The following ZNF804A variants were observed in gnomAD, a reference collection of about 807,000 sequenced individuals.
ZNF804A encodes the protein zinc finger protein 804A.
In ZNF804A, 2 loss-of-function variants were observed where a neutral mutation model predicts 16.5. The ratio of observed to expected loss-of-function variants is 0.12; its 90% confidence interval spans 0.05 to 0.38. The LOEUF (loss-of-function observed/expected upper bound fraction) is 0.38. Ranked by LOEUF, ZNF804A falls within the 10% of genes least tolerant of loss-of-function variation. The pLI is 0.99. For synonymous variants in ZNF804A, 534 were observed against 489.6 expected (o/e 1.09, Z -1.20); for missense variants, 1,473 against 1,390.7 (o/e 1.06, Z -0.94).
At chr2:184,931,144 G>T (rs1328815554) in intron 2 of ZNF804A, among the ~76,000 whole-genome samples, 2 of 152,312 alleles carry the variant, frequency 1.3e-5, no homozygotes, top group Admixed American at 6.5e-5. Flanking sequence ...AGCTGGTGTT[G>T]AGTGTCTGTG....
At chr2:184,719,546 C>G (rs1222522348) in intron 1 of ZNF804A, among the ~76,000 whole-genome samples, 1 of 152,250 alleles carries the variant, frequency 6.6e-6, no homozygotes, top group East Asian at 1.9e-4. Context: ...ACAAGCAAGT[C>G]ACCTTTTGAA....
intron 1 of ZNF804A, among the ~76,000 whole-genome samples, chr2:184,822,025 G>A (rs1695094719): frequency 6.6e-6 from 1 of 152,006 alleles, no homozygotes; most frequent in Non-Finnish European, 1.5e-5. Context: ...AGATCTAGAG[G>A]CAGAAATACC....
intron 1 of ZNF804A, among the ~76,000 whole-genome samples, chr2:184,794,631 G>T (rs1322334100): frequency 2.6e-5 from 4 of 152,086 alleles, no homozygotes; most frequent in Non-Finnish European, 5.9e-5. Flanking sequence ...CAAATAGCAT[G>T]ATGAATGTAA....
chr2:184,772,952 TATAC>T (rs1694238599), intron 1 of ZNF804A, among the ~76,000 whole-genome samples: 4 of 138,274 alleles, frequency 2.9e-5, no homozygotes, highest in South Asian at 4.3e-4. Context: ...CATATACATA[TATAC>T]ATATACATAT....
intron 1 of ZNF804A, among the ~76,000 whole-genome samples, chr2:184,608,486 A>C (rs1038742386): frequency 1.3e-5 from 2 of 152,042 alleles, no homozygotes; most frequent in Non-Finnish European, 2.9e-5. Flanking sequence ...GCAGAGGGAG[A>C]TGTTGGGTAA....
intron 1 of ZNF804A, among the ~76,000 whole-genome samples, chr2:184,736,532 G>A (rs187779398): frequency 2.6e-5 from 4 of 152,034 alleles, no homozygotes; most frequent in African/African-American, 4.8e-5. Context: ...GGAGTTCAAC[G>A]ATGGGAACAC....
chr2:184,718,850 C>T (rs1693254144), intron 1 of ZNF804A, among the ~76,000 whole-genome samples: 1 of 152,106 alleles, frequency 6.6e-6, no homozygotes, highest in South Asian at 2.1e-4. Context: ...TGTTGGTGGA[C>T]CTACCATTCT....
intron 1 of ZNF804A, among the ~76,000 whole-genome samples, chr2:184,632,084 C>A (rs1258209046): frequency 6.6e-6 from 1 of 151,602 alleles, no homozygotes; most frequent in African/African-American, 2.4e-5. Flanking sequence ...AATAGATTTT[C>A]ATACTGATGT....
intron 1 of ZNF804A, among the ~76,000 whole-genome samples, chr2:184,742,629 C>T (rs374042843): frequency 1.3e-5 from 2 of 151,270 alleles, no homozygotes; most frequent in Middle Eastern, 6.8e-3. Flanking sequence ...TGCCTCAGAA[C>T]GTGCTTTGTA....
intron 1 of ZNF804A, among the ~76,000 whole-genome samples, chr2:184,788,316 G>A (rs1574212808): frequency 2.0e-5 from 3 of 151,674 alleles, no homozygotes; most frequent in African/African-American, 7.3e-5. Context: ...TGCTGTAGGT[G>A]GTCTGGCTTC....
At chr2:184,607,343 A>G (rs894267786) in intron 1 of ZNF804A, among the ~76,000 whole-genome samples, 15 of 152,152 alleles carry the variant, frequency 9.9e-5, no homozygotes, top group Non-Finnish European at 8.8e-5. Flanking sequence ...GGTTTAATTG[A>G]CTCACAGTTC....
At chr2:184,783,309 A>G (rs1008705408) in intron 1 of ZNF804A, among the ~76,000 whole-genome samples, 1 of 151,518 alleles carries the variant, frequency 6.6e-6, no homozygotes, top group Non-Finnish European at 1.5e-5. Flanking sequence ...AGTGATTATC[A>G]GAAGCTTCCA....
At chr2:184,761,772 TGTAA>T (rs1193539057) in intron 1 of ZNF804A, among the ~76,000 whole-genome samples, 2 of 152,122 alleles carry the variant, frequency 1.3e-5, no homozygotes, top group African/African-American at 4.8e-5. Flanking sequence ...ATGTAGATGA[TGTAA>T]GTGTCTGCAA....
At chr2:184,603,179 C>G (rs181018775) in intron 1 of ZNF804A, among the ~76,000 whole-genome samples, 4 of 152,232 alleles carry the variant, frequency 2.6e-5, no homozygotes, top group Admixed American at 2.0e-4. Context: ...TTAGTTCATT[C>G]AAATTTATCG....
At chr2:184,625,959 C>A (rs1436199783) in intron 1 of ZNF804A, among the ~76,000 whole-genome samples, 1 of 152,142 alleles carries the variant, frequency 6.6e-6, no homozygotes, top group Non-Finnish European at 1.5e-5. Context: ...AGCTCTGCCT[C>A]CCGGGTTCAC....
chr2:184,808,632 A>T (rs1694847681), intron 1 of ZNF804A, among the ~76,000 whole-genome samples: 1 of 151,474 alleles, frequency 6.6e-6, no homozygotes, highest in Admixed American at 6.6e-5. Context: ...TAATTTGTGC[A>T]CTAATACACT....
intron 1 of ZNF804A, among the ~76,000 whole-genome samples, chr2:184,791,459 T>C (rs191191818): frequency 3.9e-5 from 6 of 152,326 alleles, no homozygotes; most frequent in African/African-American, 1.4e-4. Flanking sequence ...TAGTATTTTT[T>C]CTTAAAAGAG....
At chr2:184,775,964 T>C (rs886794157) in intron 1 of ZNF804A, among the ~76,000 whole-genome samples, 4 of 151,604 alleles carry the variant, frequency 2.6e-5, no homozygotes, top group Non-Finnish European at 5.9e-5. Context: ...TATGATTACA[T>C]CTCATAACAG....
intron 1 of ZNF804A, among the ~76,000 whole-genome samples, chr2:184,744,426 G>A (rs1693757163): frequency 6.6e-6 from 1 of 151,840 alleles, no homozygotes; most frequent in Admixed American, 6.6e-5. Context: ...CCATGAGGGT[G>A]CAACCCTCAT....
Sources: gnomAD v4.1 joint callset for allele counts (sites outside exome capture counted in the v4.1 genomes callset) on GRCh38, gnomAD v4.1.1 for gene constraint, MANE v1.5 for transcripts, NCBI Gene and HGNC (gene_info 2026-07-23, HGNC 2026-07-21) for gene names.